Variants in TTC7B observed in about 807,000 individuals in gnomAD.
TTC7B encodes tetratricopeptide repeat protein 7B.
TTC7B carries 28 observed loss-of-function variants against 106.8 expected under a neutral mutation model. That is an observed-to-expected ratio of 0.26 (90% CI 0.19 to 0.36). The LOEUF is 0.36. Ranked by LOEUF, TTC7B falls within the 10% of genes least tolerant of loss-of-function variation. TTC7B has a pLI of 1.00. For synonymous variants in TTC7B, 405 were observed against 430.6 expected, an observed-to-expected ratio of 0.94 and a Z score of 0.74; for missense variants, 862 against 1,076.4, an observed-to-expected ratio of 0.80 and a Z score of 2.79.
intron 5 of TTC7B, among the ~76,000 whole-genome samples, chr14:90,725,017 C>T (rs1328969318): frequency 3.9e-5 from 6 of 152,114 alleles, no homozygotes; most frequent in African/African-American, 7.2e-5. Context: ...GATGACAAGG[C>T]CCATTTCCTT....
At chr14:90,695,029 A>AT (rs557463957) in intron 6 of TTC7B, among the ~76,000 whole-genome samples, 1 of 36,548 alleles carries the variant, frequency 2.7e-5, no homozygotes, top group African/African-American at 8.5e-5. Context: ...ATATATGTAT[A>AT]TTTTTTATTT....
At chr14:90,555,095 C>T (rs1380423083) in intron 19 of TTC7B, among the ~76,000 whole-genome samples, 4 of 152,140 alleles carry the variant, frequency 2.6e-5, no homozygotes, top group African/African-American at 4.8e-5. Context: ...TGTGAAGACC[C>T]GCTTAGGTCT....
At chr14:90,793,561 T>A (rs1341391181) in intron 1 of TTC7B, among the ~76,000 whole-genome samples, 1 of 151,150 alleles carries the variant, frequency 6.6e-6, no homozygotes, top group Non-Finnish European at 1.5e-5. Context: ...CTTTATAAAT[T>A]ACCCAGTCTC....
In TTC7B at chr14:90,799,152, A is replaced by C. The variant is rs560359401; in HGVS notation, c.122-12824T>G. Among the ~76,000 whole-genome samples the C allele has an allele frequency of 3.3e-5, 5 of 152,180 alleles. No homozygotes were observed. The South Asian group carries it at 8.3e-4, about 25-fold the overall frequency. On this transcript the variant is annotated intron_variant, in intron 1 of 19. Coordinates refer to ENST00000328459, the MANE Select transcript of TTC7B (RefSeq NM_001010854.2). ...TGCTCCAGGTCCTCAGCATCTTTCC[A>C]AGGCCACGGCCATCTGACTCACCCA...
chr14:90,795,081 G>A (rs1288663962), intron 1 of TTC7B, among the ~76,000 whole-genome samples: 2 of 151,852 alleles, frequency 1.3e-5, no homozygotes. Context: ...GGCACTCCAG[G>A]GCATACGAGA....
At chr14:90,658,171 G>T in intron 10 of TTC7B, 133 bp downstream of exon 10, 1 of 748,636 alleles carries the variant, frequency 1.3e-6, no homozygotes, top group Non-Finnish European at 2.3e-6. Context: ...CACTGAGAAC[G>T]GACCACGATA....
chr14:90,787,824 G>A (rs1891444246), intron 1 of TTC7B, among the ~76,000 whole-genome samples: 1 of 152,150 alleles, frequency 6.6e-6, no homozygotes, highest in African/African-American at 2.4e-5. Flanking sequence ...AAACAGGGCT[G>A]AGTTCAGGTA....
At position 90,526,604 on chromosome 14, in the gene TTC7B, T is replaced by C. The variant is rs1010708907; in HGVS notation, c.*14764A>G. On this transcript the variant is annotated 3_prime_UTR_variant, in exon 20 of 20. Coordinates refer to ENST00000328459, the MANE Select transcript of TTC7B (RefSeq NM_001010854.2). ...TCGTCTTGAATTGTAGTTCCCATAA[T>C]CCCCACATGTCATGGGAGGGACCCG... 1 of 152,180 alleles carries C rather than the reference T, an allele frequency of 6.6e-6. No homozygotes were observed. The highest frequency in any genetic ancestry group is 1.5e-5 in the Non-Finnish European group (1 of 68,030). 9.4% of individuals were successfully genotyped at this position (152,180 alleles called of 1,614,324 possible).
intron 9 of TTC7B, among the ~76,000 whole-genome samples, chr14:90,661,531 TG>T (rs1886205924): frequency 6.6e-6 from 1 of 151,786 alleles, no homozygotes; most frequent in Non-Finnish European, 1.5e-5. Context: ...GAAACTGACT[TG>T]GGGATGGGGA....
In TTC7B at chr14:90,577,977, A is replaced by G. The variant is rs189294286; in HGVS notation, c.2310+129T>C. On this transcript the variant is annotated intron_variant, in intron 19 of 19. Coordinates refer to ENST00000328459, the MANE Select transcript of TTC7B (RefSeq NM_001010854.2). This position sits in a 1 kb window ranked among gnomAD's most constrained non-coding sequence, Gnocchi z 5.0. ...GTGCCCTCTGGCTTCAGGCCATGTG[A>G]CAGCCTGGCAAGCTAACTGCATGGG... is the stretch of plus-strand genomic sequence containing the variant. 1 of 1,175,938 alleles carries G rather than the reference A, an allele frequency of 8.5e-7. No individual in the cohort carries two copies. The highest frequency in any genetic ancestry group is 1.2e-6 in the Non-Finnish European group (1 of 836,770). 72.8% of individuals were successfully genotyped at this position (1,175,938 alleles called of 1,614,324 possible).
intron 4 of TTC7B, among the ~76,000 whole-genome samples, chr14:90,738,355 A>T (rs117126126): frequency 0.049 from 7,500 of 152,250 alleles, 222 homozygotes; most frequent in Non-Finnish European, 0.061. Flanking sequence ...CATGCCTATA[A>T]TCCCAGCATT....
At chr14:90,652,071 G>A (rs947963634) in intron 13 of TTC7B, among the ~76,000 whole-genome samples, 2 of 152,156 alleles carry the variant, frequency 1.3e-5, no homozygotes, top group Non-Finnish European at 2.9e-5. Flanking sequence ...CCTGTAACAA[G>A]AATAAAATGA....
Position 90,538,345 on chromosome 14 carries a change from T to C in TTC7B, c.*3023A>G, listed in dbSNP as rs1889472345. 6.6e-6 allele frequency: 1 copy of C among 152,232 alleles called. No individual in the cohort carries two copies. The highest frequency in any genetic ancestry group is 2.4e-5 in the African/African-American group (1 of 41,504). 9.4% of individuals were successfully genotyped at this position (152,232 alleles called of 1,614,324 possible). On this transcript the variant is annotated 3_prime_UTR_variant, in exon 20 of 20. Coordinates refer to ENST00000328459, the MANE Select transcript of TTC7B (RefSeq NM_001010854.2). ...ATGGATGGATGGACGGATGGATGAA[T>C]GTCCTTAGTTGGGAAAGGCTCAGCA... is the stretch of plus-strand genomic sequence containing the variant.
intron 1 of TTC7B, among the ~76,000 whole-genome samples, chr14:90,789,803 G>C (rs1891518150): frequency 6.6e-6 from 1 of 151,892 alleles, no homozygotes; most frequent in African/African-American, 2.4e-5. Flanking sequence ...GGCTGAGGCA[G>C]GAGAATGGCG....
intron 16 of TTC7B, among the ~76,000 whole-genome samples, chr14:90,616,428 C>T (rs1326941866): frequency 6.6e-6 from 1 of 151,910 alleles, no homozygotes; most frequent in South Asian, 2.1e-4. Context: ...TCATGATTAC[C>T]TTTCACCAAG....
At chr14:90,655,433 A>G (rs966886623) in intron 11 of TTC7B, among the ~76,000 whole-genome samples, 2 of 152,198 alleles carry the variant, frequency 1.3e-5, no homozygotes, top group Non-Finnish European at 2.9e-5. Flanking sequence ...TGTGCTAGGT[A>G]TGCAGAAGTT....
intron 1 of TTC7B, among the ~76,000 whole-genome samples, chr14:90,803,723 G>C (rs545103340): frequency 3.2e-4 from 49 of 152,222 alleles, no homozygotes; most frequent in Admixed American, 1.4e-3. Flanking sequence ...ACACAGCGCA[G>C]AGGCTAGAAG....
intron 3 of TTC7B, among the ~76,000 whole-genome samples, chr14:90,752,068 G>A (rs552291495): frequency 3.3e-5 from 5 of 152,340 alleles, no homozygotes; most frequent in East Asian, 1.9e-4. Flanking sequence ...GACATCACAC[G>A]GGGAGGGGTG....
chr14:90,622,359 T>G (rs1207545661), intron 15 of TTC7B, among the ~76,000 whole-genome samples: 1 of 151,978 alleles, frequency 6.6e-6, no homozygotes, highest in Non-Finnish European at 1.5e-5. Flanking sequence ...CCTCAAGTGA[T>G]CTACCTGCCT....
Sources: gnomAD v4.1 joint callset for allele counts (sites outside exome capture counted in the v4.1 genomes callset) on GRCh38, gnomAD v4.1.1 for gene constraint, Gnocchi (gnomAD v3.1) non-coding constraint, MANE v1.5 for transcripts, NCBI Gene and HGNC (gene_info 2026-07-23, HGNC 2026-07-21) for gene names.